RBM15: variants seen among roughly 807,000 people sequenced by gnomAD.
The protein encoded by RBM15 is RNA binding motif protein 15, also known as RNA-binding protein 15.
A neutral mutation model predicts 62.6 loss-of-function variants in RBM15; 8 were observed. That is an observed-to-expected ratio of 0.13 (90% CI 0.07 to 0.23). The LOEUF (loss-of-function observed/expected upper bound fraction) is 0.23. Ranked by LOEUF, RBM15 falls within the 10% of genes least tolerant of loss-of-function variation. The probability of loss-of-function intolerance (pLI) is 1.00; values close to 1 mark genes in which losing one functional copy is unlikely to be tolerated. For synonymous variants in RBM15, 606 were observed against 505.7 expected (o/e 1.20, Z -2.66); for missense variants, 1,144 against 1,286.5 (o/e 0.89, Z 1.69).
At chr1:110,343,517 G>GTTTTTTTT (rs567393457) in intron 1 of RBM15, among the ~76,000 whole-genome samples, 2 of 119,562 alleles carry the variant, frequency 1.7e-5, no homozygotes, top group Admixed American at 9.0e-5. Context: ...TAGCCTCACA[G>GTTTTTTTT]TTTTTTTTTT....
Position 110,345,406 on chromosome 1 carries a change from A to G in RBM15, c.2864-133A>G, listed in dbSNP as rs1003600718. On this transcript the variant is annotated intron_variant, in intron 1 of 2. Transcript: ENST00000369784. ...AGCTTGAACTATAGTTTGGGTCCAT[A>G]TAGGAACCAATCACCAAAAACTCTG... The G allele has an allele frequency of 4.1e-6, 3 of 723,790 alleles. No homozygotes were observed. In the African/African-American group the frequency reaches 5.4e-5, roughly 13 times the overall value. The allele number at this position is 723,790 out of a possible 1,614,324, so 44.8% of individuals were successfully genotyped here.
In RBM15 at chr1:110,339,509, G is replaced by C; in HGVS notation, c.104G>C (p.Arg35Pro). The part of the protein sequence containing the change: ...TSAGRRVTQL[R>P]GDDLRRPATM... ...GCGGGGCGGCGGGTTACTCAGCTCC[G>C]CGGAGACGACCTCCGACGACCCGCA... Residue 35 changes from arginine (R) to proline (P), a missense_variant, in exon 1 of 3, where the codon CGC becomes CCC. This residue lies in a region of RBM15 where 298 missense variants were observed against 250.0 expected (regional missense o/e 1.19). Coordinates refer to ENST00000369784, the MANE Select transcript of RBM15 (RefSeq NM_022768.5). 1.9e-6 allele frequency: 3 copies of C among 1,597,430 alleles called. No homozygotes were observed. Among genetic ancestry groups the C allele is most frequent in the Non-Finnish European group, 2.6e-6 (3 of 1,169,100 alleles).
Position 110,346,316 on chromosome 1 carries a change from G to C in RBM15, c.*49G>C. The C allele has an allele frequency of 4.4e-6, 7 of 1,598,322 alleles. No homozygotes were observed. The South Asian group carries it at 6.6e-5, about 15-fold the overall frequency. On this transcript the variant is annotated 3_prime_UTR_variant, in exon 3 of 3. Transcript: ENST00000369784. ...TTCCCCCCCTCCGCAAGCAAAACTG[G>C]TTGAACAGCGGATGAAGATATGGAA...
rs1660769831 is a variant in RBM15 at position 110,340,364 on chromosome 1, C to T, written c.959C>T (p.Pro320Leu). 3.1e-6 allele frequency: 5 copies of T among 1,614,068 alleles called. No individual in the cohort carries two copies. The Admixed American group carries it at 5.0e-5, about 16-fold the overall frequency. ...CTTGGCCGCCTGCCCCCTCCACCTCCGCCACCATTGCCTCGAGACCTGGAG... is the reference window on the plus strand; with the variant it reads ...CTTGGCCGCCTGCCCCCTCCACCTCTGCCACCATTGCCTCGAGACCTGGAG... ...LALGRLPPPP[P>L]PPLPRDLERE... Residue 320 changes from proline to leucine, a missense_variant, in exon 1 of 3, where the codon CCG becomes CTG. Around this residue, in one of 8 missense-constraint regions of RBM15, gnomAD observed 188 missense variants for 185.6 expected, o/e 1.01. Transcript: ENST00000369784. The surrounding 1 kb of genome is among the most constrained non-coding windows in gnomAD (Gnocchi z 5.8).
In RBM15 at chr1:110,341,784, A is replaced by C. The variant is rs1217284852; in HGVS notation, c.2379A>C (p.Leu793=). 1 of 1,614,186 alleles carries C rather than the reference A, an allele frequency of 6.2e-7. No individual in the cohort carries two copies. The highest frequency in any genetic ancestry group is 1.7e-5 in the Admixed American group (1 of 60,026). The change falls in exon 1 of 3, where the codon CTA becomes CTC. Residue 793 remains leucine (L), a synonymous_variant. Transcript: ENST00000369784. The surrounding 1 kb of genome is among the most constrained non-coding windows in gnomAD (Gnocchi z 4.5). ...KLCLAWQGML[L]LKNSNFPSNM... ...GTTTGGCCTGGCAGGGCATGCTTCT[A>C]CTGAAGAACAGCAACTTTCCTTCCA...
At position 110,340,058 on chromosome 1, in the gene RBM15, C is replaced by T; in HGVS notation, c.653C>T (p.Ala218Val). 2.5e-6 allele frequency: 4 copies of T among 1,614,030 alleles called. No homozygotes were observed. The highest frequency in any genetic ancestry group is 1.6e-4 in the Middle Eastern group (1 of 6,062). ...TCTGGCAGCGGGGATGAGCGGGTAG[C>T]CTTTGTGAACTTCCGGCGGCCAGAG... ...SGSGSGDERV[A>V]FVNFRRPEDA... The change falls in exon 1 of 3, where the codon GCC becomes GTC. Residue 218 changes from alanine to valine, a missense_variant. Ala to Val is a moderately conservative substitution (Grantham distance 64). Transcript: ENST00000369784. This position sits in a 1 kb window ranked among gnomAD's most constrained non-coding sequence, Gnocchi z 5.8.
intron 1 of RBM15, chr1:110,342,557 T>C (rs1219282345): frequency 2.7e-6 from 1 of 371,878 alleles, no homozygotes; most frequent in Non-Finnish European, 4.7e-6. Flanking sequence ...TAATTTTTTT[T>C]CTCTATTCAG....
In RBM15 at chr1:110,340,906, G is replaced by A; in HGVS notation, c.1501G>A (p.Asp501Asn). ...SWAYIQYESL[D>N]AAHAAWTHMR... ...GGCATATATCCAGTATGAAAGCCTG[G>A]ATGCAGCGCATGCTGCCTGGACCCA... Residue 501 changes from aspartate to asparagine, a missense_variant, in exon 1 of 3, where the codon GAT (aspartate) becomes AAT (asparagine). Asp to Asn is a conservative substitution (Grantham distance 23). Around this residue, in one of 8 missense-constraint regions of RBM15, gnomAD observed 105 missense variants for 193.6 expected, o/e 0.54. Transcript: ENST00000369784. This position sits in a 1 kb window ranked among gnomAD's most constrained non-coding sequence, Gnocchi z 5.8. 1 of 1,614,206 alleles carries A rather than the reference G, an allele frequency of 6.2e-7. No homozygotes were observed. The highest frequency in any genetic ancestry group is 8.5e-7 in the Non-Finnish European group (1 of 1,180,044).
intron 1 of RBM15, among the ~76,000 whole-genome samples, chr1:110,344,145 G>T (rs1660855121): frequency 6.6e-6 from 1 of 152,162 alleles, no homozygotes; most frequent in South Asian, 2.1e-4. Context: ...CTTTCAAAAA[G>T]CTGTGGTTGG....
intron 1 of RBM15, 54 bp from the exon 2 acceptor site, chr1:110,345,485 G>GA (rs968847409): frequency 1.9e-5 from 25 of 1,315,856 alleles, no homozygotes; most frequent in Non-Finnish European, 2.6e-5. Flanking sequence ...CCTTTTATGT[G>GA]AAAAAAATTT....
intron 1 of RBM15, among the ~76,000 whole-genome samples, chr1:110,345,315 A>G (rs1391933578): frequency 6.6e-6 from 1 of 152,210 alleles, no homozygotes; most frequent in African/African-American, 2.4e-5. Context: ...TTCACTGACA[A>G]TGCTTTTTTA....
Position 110,340,222 on chromosome 1 carries a change from G to C in RBM15, c.817G>C (p.Val273Leu), listed in dbSNP as rs1419635035. ...TACTTATCCTCCATCAGCCAGTGTG[G>C]TCGGGGCCTCTGTAGGTGGTCACCG... is the stretch of plus-strand genomic sequence containing the variant. The part of the protein sequence containing the change: ...KDTYPPSASV[V>L]GASVGGHRHP... The change falls in exon 1 of 3, where the codon GTC (valine) becomes CTC (leucine). Residue 273 changes from valine to leucine, a missense_variant. Val to Leu is a conservative substitution (Grantham distance 32). Transcript: ENST00000369784. The surrounding 1 kb of genome is among the most constrained non-coding windows in gnomAD (Gnocchi z 5.8). 6 of 1,614,078 alleles carry C rather than the reference G, an allele frequency of 3.7e-6. No individual in the cohort carries two copies. The highest frequency in any genetic ancestry group is 5.1e-6 in the Non-Finnish European group (6 of 1,180,022).
rs373833752 is a variant in RBM15 at position 110,342,017 on chromosome 1, C to T, written c.2612C>T (p.Ser871Phe). The change falls in exon 1 of 3, where the codon TCC becomes TTC. Residue 871 changes from serine (S) to phenylalanine (F), a missense_variant. Ser to Phe is a radical substitution (Grantham distance 155). Coordinates refer to ENST00000369784, the MANE Select transcript of RBM15 (RefSeq NM_022768.5). ...GTGCCTGGAAGTTCTGACAGCCGGTCCTCCTCTTCCTCAGCTGCATCAGAC... is the reference window on the plus strand; with the variant it reads ...GTGCCTGGAAGTTCTGACAGCCGGTTCTCCTCTTCCTCAGCTGCATCAGAC... The part of the protein sequence containing the change: ...LAVPGSSDSR[S>F]SSSSAASDTA... The T allele has an allele frequency of 6.2e-7, 1 of 1,614,082 alleles. No individual in the cohort carries two copies. Among genetic ancestry groups the T allele is most frequent in the African/African-American group, 1.3e-5 (1 of 74,930 alleles).
At chr1:110,345,840 C>G (rs1660887061) in intron 2 of RBM15, among the ~76,000 whole-genome samples, 191 bp downstream of exon 2, 1 of 152,042 alleles carries the variant, frequency 6.6e-6, no homozygotes, top group African/African-American at 2.4e-5. Flanking sequence ...TGTATCGACC[C>G]CTTTCTACAA....
At position 110,339,610 on chromosome 1, in the gene RBM15, G is replaced by A. The variant is rs1208794096; in HGVS notation, c.205G>A (p.Glu69Lys). ...RGGEDSTSRGERSKKLGGSGG... is the reference protein window; with the variant it reads ...RGGEDSTSRGKRSKKLGGSGG... ...TGGTGAGGACTCGACTTCCCGCGGT[G>A]AGCGGAGCAAGAAGTTAGGGGGCTC... Residue 69 changes from glutamate to lysine, a missense_variant, in exon 1 of 3, where the codon GAG becomes AAG. This residue lies in a region of RBM15 where 298 missense variants were observed against 250.0 expected (regional missense o/e 1.19). Transcript: ENST00000369784. 2 of 1,610,742 alleles carry A rather than the reference G, an allele frequency of 1.2e-6. No homozygotes were observed. The highest frequency in any genetic ancestry group is 4.5e-5 in the East Asian group (2 of 44,770).
At position 110,340,695 on chromosome 1, in the gene RBM15, C is replaced by T. The variant is rs1237400999; in HGVS notation, c.1290C>T (p.Ala430=). Residue 430 remains alanine (A), a synonymous_variant, in exon 1 of 3, where the codon GCC becomes GCT. Transcript: ENST00000369784. This position sits in a 1 kb window ranked among gnomAD's most constrained non-coding sequence, Gnocchi z 5.8. The stretch of plus-strand genomic sequence containing the variant: ...AGAACTTAGATATGTCTCACCGGGC[C>T]AAATTAGCAATGTCTGGCAAAATTA... ...KFENLDMSHR[A]KLAMSGKIII... The T allele has an allele frequency of 6.2e-7, 1 of 1,614,170 alleles. No homozygotes were observed. Among genetic ancestry groups the T allele is most frequent in the Non-Finnish European group, 8.5e-7 (1 of 1,180,022 alleles).
In RBM15 at chr1:110,339,672, TAGC is replaced by T; in HGVS notation, c.268_270del (p.Ser90del). On this transcript the variant is annotated inframe_deletion, in exon 1 of 3. Coordinates refer to ENST00000369784, the MANE Select transcript of RBM15 (RefSeq NM_022768.5). ...ATGGGAGCAGCAGCGGAAAGACCGA[TAGC>T]GGCGGTGGGTCGCGGCGGAGTCTCC... 6.2e-7 allele frequency: 1 copy of T among 1,612,940 alleles called. No individual in the cohort carries two copies. Among genetic ancestry groups the T allele is most frequent in the Non-Finnish European group, 8.5e-7 (1 of 1,179,920 alleles).
chr1:110,339,391 G>A lies in RBM15; in HGVS notation c.-15G>A. Reference sequence around the variant, plus strand: ...ATTTTCCCAATGAGACTGTAGAAGAGAGAGCAATTGGCCAATGAGGACTGC... The same window carrying A: ...ATTTTCCCAATGAGACTGTAGAAGAAAGAGCAATTGGCCAATGAGGACTGC... On this transcript the variant is annotated 5_prime_UTR_variant, in exon 1 of 3. Transcript: ENST00000369784. 1.3e-6 allele frequency: 2 copies of A among 1,507,326 alleles called. No individual in the cohort carries two copies. The highest frequency in any genetic ancestry group is 2.3e-5 in the Admixed American group (1 of 43,318). 93.4% of individuals were successfully genotyped at this position (1,507,326 alleles called of 1,614,324 possible).
At chr1:110,344,438 G>T (rs528599337) in intron 1 of RBM15, among the ~76,000 whole-genome samples, 29 of 151,752 alleles carry the variant, frequency 1.9e-4, no homozygotes, top group African/African-American at 6.8e-4. Context: ...GTGTGACAGC[G>T]TACAGAAGAG....
Sources: gnomAD v4.1 joint callset for allele counts (sites outside exome capture counted in the v4.1 genomes callset) on GRCh38, gnomAD v4.1.1 for gene constraint, gnomAD v4.1.1 regional missense constraint, Gnocchi (gnomAD v3.1) non-coding constraint, MANE v1.5 for transcripts, NCBI Gene and HGNC (gene_info 2026-07-23, HGNC 2026-07-21) for gene names.